The following RUSC2 variants were observed in gnomAD, a reference collection of about 807,000 sequenced individuals.
The protein encoded by RUSC2 is AP-4 complex accessory subunit RUSC2.
In RUSC2, 34 loss-of-function variants were observed where a neutral mutation model predicts 122.2. The ratio of observed to expected loss-of-function variants is 0.28; its 90% CI spans 0.21 to 0.37. RUSC2 has a LOEUF of 0.37. Among genes scored for constraint, RUSC2 ranks in the 10% least tolerant of loss-of-function variants. The probability of loss-of-function intolerance (pLI) is 1.00; values close to 1 mark genes in which losing one functional copy is unlikely to be tolerated. For synonymous variants in RUSC2, 784 were observed against 790.0 expected (o/e 0.99, Z 0.13); for missense variants, 1,747 against 1,952.4 (o/e 0.89, Z 1.98).
Position 35,555,727 on chromosome 9 carries a change from C to A in RUSC2, c.2656+26C>A. On this transcript the variant is annotated intron_variant, in intron 3 of 11. Coordinates refer to ENST00000361226, the MANE Select transcript of RUSC2 (RefSeq NM_014806.5). The surrounding 1 kb of genome is among the most constrained non-coding windows in gnomAD (Gnocchi z 4.6). The stretch of plus-strand genomic sequence containing the variant: ...GTACGAGCTCCAGCATCTCCCTACC[C>A]AACCCGCCACCTCACGCAAGCACTT... 2 of 1,566,314 alleles carry A rather than the reference C, an allele frequency of 1.3e-6. No homozygotes were observed. The highest frequency in any genetic ancestry group is 1.2e-5 in the South Asian group (1 of 86,504).
intron 1 of RUSC2, among the ~76,000 whole-genome samples, chr9:35,502,659 A>G (rs1436205082): frequency 6.6e-6 from 1 of 152,230 alleles, no homozygotes; most frequent in Non-Finnish European, 1.5e-5. Flanking sequence ...AAAGACAAGT[A>G]TAAAATGAAA....
chr9:35,505,729 C>T (rs1223758477), intron 1 of RUSC2, among the ~76,000 whole-genome samples: 3 of 151,964 alleles, frequency 2.0e-5, no homozygotes, highest in African/African-American at 7.2e-5. Context: ...AATTTTAATA[C>T]TGTAATGATT....
rs766414451 is a variant in RUSC2, at chr9:35,560,712, C to T, written c.4072C>T (p.Arg1358Cys). Residue 1358 changes from arginine (R) to cysteine (C), a missense_variant, in exon 10 of 12, where the codon CGC (arginine) becomes TGC (cysteine). Arg to Cys is a radical substitution (Grantham distance 180, BLOSUM62 -3). Coordinates refer to ENST00000361226, the MANE Select transcript of RUSC2 (RefSeq NM_014806.5). ...PPDSVLAELR[R>C]SREREGPAAS... ...TGACTCTGTGCTGGCCGAGCTGAGG[C>T]GCAGTCGGGAGAGGGAAGGGCCCGC... 23 of 1,552,346 alleles carry T rather than the reference C, an allele frequency of 1.5e-5. No homozygotes were observed. Among genetic ancestry groups the T allele is most frequent in the African/African-American group, 8.2e-5 (6 of 73,278 alleles).
intron 1 of RUSC2, among the ~76,000 whole-genome samples, chr9:35,515,999 CAAAAAAAAAAAAA>C (rs544797957): frequency 8.5e-5 from 4 of 47,216 alleles, no homozygotes; most frequent in African/African-American, 3.0e-4. Context: ...ATTCTTGTCT[CAAAAAAAAAAAAA>C]AAAAAAAAAA....
At chr9:35,550,595 C>T (rs1023823824) in intron 2 of RUSC2, among the ~76,000 whole-genome samples, 3 of 151,710 alleles carry the variant, frequency 2.0e-5, no homozygotes, top group Admixed American at 2.0e-4. Context: ...CACTGCACTC[C>T]AGCTTGGGAA....
At chr9:35,515,237 A>G (rs908266735) in intron 1 of RUSC2, among the ~76,000 whole-genome samples, 8 of 152,206 alleles carry the variant, frequency 5.3e-5, no homozygotes, top group African/African-American at 1.9e-4. Flanking sequence ...GTTTTCTTGT[A>G]AAGAGTAAAC....
intron 2 of RUSC2, among the ~76,000 whole-genome samples, chr9:35,549,927 T>C (rs1015856793): frequency 2.0e-5 from 3 of 151,710 alleles, no homozygotes; most frequent in Non-Finnish European, 4.4e-5. Context: ...AAAAAAGTAA[T>C]TGGGCTGGGC....
intron 1 of RUSC2, among the ~76,000 whole-genome samples, chr9:35,542,334 G>A (rs1051189060): frequency 2.0e-5 from 3 of 152,120 alleles, no homozygotes; most frequent in Non-Finnish European, 4.4e-5. Flanking sequence ...GAAAACATAG[G>A]TACATTTCTT....
chr9:35,520,887 TACTC>T (rs1162858113), intron 1 of RUSC2, among the ~76,000 whole-genome samples: 1 of 152,170 alleles, frequency 6.6e-6, no homozygotes, highest in Non-Finnish European at 1.5e-5. Flanking sequence ...CTGTGGGCCT[TACTC>T]ACTGCTGCTC....
intron 1 of RUSC2, among the ~76,000 whole-genome samples, chr9:35,501,532 G>T (rs1020230067): frequency 6.6e-6 from 1 of 152,182 alleles, no homozygotes; most frequent in Admixed American, 6.5e-5. Flanking sequence ...AGCCAAGATC[G>T]TGCCACTGAA....
intron 1 of RUSC2, among the ~76,000 whole-genome samples, chr9:35,531,405 G>C (rs889728041): frequency 6.6e-6 from 1 of 152,170 alleles, no homozygotes; most frequent in Admixed American, 6.5e-5. Context: ...GACAACGAAG[G>C]TAAGAAAACT....
Position 35,555,436 on chromosome 9 carries a change from C to T in RUSC2, c.2391C>T (p.Ala797=). The change falls in exon 3 of 12, where the codon GCC becomes GCT. Residue 797 remains alanine (A), a synonymous_variant. Coordinates refer to ENST00000361226, the MANE Select transcript of RUSC2 (RefSeq NM_014806.5). The surrounding 1 kb of genome is among the most constrained non-coding windows in gnomAD (Gnocchi z 4.6). ...GPFGPSTDSS[A]STSCSPPPEQ... ...TTGGGCCCAGCACTGACTCTTCTGC[C>T]TCCACTTCGTGCTCCCCTCCCCCAG... The T allele has an allele frequency of 1.2e-6, 2 of 1,614,254 alleles. No homozygotes were observed. The highest frequency in any genetic ancestry group is 2.2e-5 in the East Asian group (1 of 44,886).
chr9:35,553,645 G>C (rs953912820), intron 2 of RUSC2, among the ~76,000 whole-genome samples: 4 of 152,212 alleles, frequency 2.6e-5, no homozygotes, highest in Non-Finnish European at 5.9e-5. Flanking sequence ...AGAAAGAAAA[G>C]CAGGTGCAAA....
chr9:35,536,155 A>G (rs937258515), intron 1 of RUSC2, among the ~76,000 whole-genome samples: 3 of 150,474 alleles, frequency 2.0e-5, no homozygotes, highest in African/African-American at 7.3e-5. Flanking sequence ...GAGAAAGTAC[A>G]GTATGCTTTT....
At chr9:35,532,117 C>T (rs1821432869) in intron 1 of RUSC2, among the ~76,000 whole-genome samples, 2 of 152,162 alleles carry the variant, frequency 1.3e-5, no homozygotes, top group Non-Finnish European at 1.5e-5. Context: ...AAAGAGAGTC[C>T]AGATGACTCT....
intron 1 of RUSC2, among the ~76,000 whole-genome samples, chr9:35,512,942 C>A (rs1821035020): frequency 6.6e-6 from 1 of 152,126 alleles, no homozygotes; most frequent in African/African-American, 2.4e-5. Context: ...GCATATTGAC[C>A]ATTTCACATC....
Position 35,558,044 on chromosome 9 carries a change from C to G in RUSC2, c.3060+54C>G. The G allele has an allele frequency of 6.3e-7, 1 of 1,585,528 alleles. No individual in the cohort carries two copies. The highest frequency in any genetic ancestry group is 8.7e-7 in the Non-Finnish European group (1 of 1,154,376). ...TCTGCCTGCAAGCCCTCACCTGTCC[C>G]GCGCTACCACCTTCCCTTGCTGTCT... On this transcript the variant is annotated intron_variant, in intron 6 of 11. Coordinates refer to ENST00000361226, the MANE Select transcript of RUSC2 (RefSeq NM_014806.5). This position sits in a 1 kb window ranked among gnomAD's most constrained non-coding sequence, Gnocchi z 4.3.
At position 35,546,343 on chromosome 9, in the gene RUSC2, C is replaced by T; in HGVS notation, c.-92-87C>T. 2.4e-6 allele frequency: 1 copy of T among 410,974 alleles called. No individual in the cohort carries two copies. The highest frequency in any genetic ancestry group is 4.2e-6 in the Non-Finnish European group (1 of 238,388). 25.5% of individuals were successfully genotyped at this position (410,974 alleles called of 1,614,324 possible). A position where few individuals can be genotyped will look rare whatever the true frequency, so the allele number is the denominator to read the frequency against. ...AAGCCTTTTCTCTTCCTGGGCTCTT[C>T]TCCATCTGAAAATGATGTAGGGAAG... On this transcript the variant is annotated intron_variant, in intron 1 of 11. Coordinates refer to ENST00000361226, the MANE Select transcript of RUSC2 (RefSeq NM_014806.5). This position sits in a 1 kb window ranked among gnomAD's most constrained non-coding sequence, Gnocchi z 4.3.
At chr9:35,517,469 A>G (rs530289116) in intron 1 of RUSC2, among the ~76,000 whole-genome samples, 56 of 152,002 alleles carry the variant, frequency 3.7e-4, no homozygotes, top group African/African-American at 1.3e-3. Flanking sequence ...ATGCCACATC[A>G]GTGGGATACA....
Sources: allele counts gnomAD v4.1 joint callset (sites outside exome capture counted in the v4.1 genomes callset), GRCh38; gene constraint gnomAD v4.1.1; non-coding constraint Gnocchi (gnomAD v3.1); transcripts MANE v1.5; gene names NCBI Gene and HGNC (gene_info 2026-07-23, HGNC 2026-07-21).